AGPAT2: variants seen among roughly 807,000 people sequenced by gnomAD.
AGPAT2 encodes 1-acyl-sn-glycerol-3-phosphate acyltransferase beta.
In AGPAT2, 18 loss-of-function variants were observed where a neutral mutation model predicts 26.1. That is an observed-to-expected ratio of 0.69 (90% CI 0.48 to 1.02). AGPAT2 has a LOEUF of 1.02. Ranked by LOEUF, AGPAT2 falls within the 50% of genes least tolerant of loss-of-function variation. The pLI, the probability that AGPAT2 is intolerant of heterozygous loss-of-function variation, is 0.00. For synonymous variants in AGPAT2, 200 were observed against 174.2 expected, an observed-to-expected ratio of 1.15 and a Z score of -1.16; for missense variants, 415 against 394.9, an observed-to-expected ratio of 1.05 and a Z score of -0.43.
rs573498539 is a variant in AGPAT2 at position 136,673,520 on chromosome 9, G to A, written c.*232C>T. ...CCCAGCTCCCAGAGGTGCCGTGGGC[G>A]CGAGTCCCTGCCCTCGAGCCCGGGG... On this transcript the variant is annotated 3_prime_UTR_variant, in exon 6 of 6. Coordinates refer to ENST00000371696, the MANE Select transcript of AGPAT2 (RefSeq NM_006412.4). 4.4e-4 allele frequency: 186 copies of A among 421,686 alleles called. No homozygotes were observed. Among genetic ancestry groups the A allele is most frequent in the Non-Finnish European group, 5.2e-4 (126 of 240,380 alleles). The allele number at this position is 421,686 out of a possible 1,614,324, so 26.1% of individuals were successfully genotyped here.
Position 136,687,254 on chromosome 9 carries a change from G to A in AGPAT2, c.104C>T (p.Ala35Val), listed in dbSNP as rs1205915727. The A allele has an allele frequency of 5.0e-6, 8 of 1,594,580 alleles. No homozygotes were observed. In the East Asian group the frequency reaches 7.0e-5, roughly 14 times the overall value. Residue 35 changes from alanine to valine, a missense_variant, in exon 1 of 6, where the codon GCG (alanine) becomes GTG (valine). Transcript: ENST00000371696. ...EFYAKVALYC[A>V]LCFTVSAVAS... ...CACGGCGGACACCGTGAAGCACAGC[G>A]CGCAGTACAGGGCGACCTTGGCGTA...
chr9:136,673,733 T>TGG lies in AGPAT2; in HGVS notation c.*18_*19insCC. The TGG allele has an allele frequency of 3.2e-6, 5 of 1,558,062 alleles. No individual in the cohort carries two copies. The highest frequency in any genetic ancestry group is 4.3e-6 in the Non-Finnish European group (5 of 1,150,558). ...GCTTCCACCTGCCCTCCCCAGGTCA[T>TGG]GCCCTGCCGTGGTCTGGGCTACTGG... On this transcript the variant is annotated 3_prime_UTR_variant, in exon 6 of 6. Coordinates refer to ENST00000371696, the MANE Select transcript of AGPAT2 (RefSeq NM_006412.4).
In AGPAT2 at chr9:136,674,659, A is replaced by ACGATGAGGGGCCCGGGGCT. The variant is rs577621304; in HGVS notation, c.661+57_661+75dup. ...CCACGGGTGCCACCCGGAAATGGGAACGATGAGGGGCCCGGGGCTCCGTGA... is the reference window on the plus strand; with the variant it reads ...CCACGGGTGCCACCCGGAAATGGGAACGATGAGGGGCCCGGGGCTCGATGAGGGGCCCGGGGCTCCGTGA... On this transcript the variant is annotated intron_variant, in intron 5 of 5. Transcript: ENST00000371696. The ACGATGAGGGGCCCGGGGCT allele has an allele frequency of 5.0e-4, 578 of 1,154,362 alleles. 5 individuals are homozygous for ACGATGAGGGGCCCGGGGCT. The African/African-American group carries it at 8.3e-3, about 17-fold the overall frequency. The allele number at this position is 1,154,362 out of a possible 1,614,324, so 71.5% of individuals were successfully genotyped here.
intron 1 of AGPAT2, among the ~76,000 whole-genome samples, chr9:136,683,530 G>C (rs1303843386): frequency 1.3e-5 from 2 of 152,202 alleles, no homozygotes; most frequent in Non-Finnish European, 2.9e-5. Flanking sequence ...AGGGACCCCA[G>C]TGAGGAATCT....
At chr9:136,683,040 G>GT (rs1325605452) in intron 1 of AGPAT2, among the ~76,000 whole-genome samples, 4 of 149,642 alleles carry the variant, frequency 2.7e-5, no homozygotes, top group East Asian at 4.0e-4. Context: ...TCCACCAACA[G>GT]TGGCTGTGAT....
intron 1 of AGPAT2, among the ~76,000 whole-genome samples, 191 bp from the exon 2 acceptor site, chr9:136,677,747 G>A (rs545085432): frequency 6.6e-6 from 1 of 152,276 alleles, no homozygotes; most frequent in Non-Finnish European, 1.5e-5. Context: ...CCACCTGGAC[G>A]GCTGCCCTGC....
At chr9:136,681,433 C>T (rs1350438011) in intron 1 of AGPAT2, among the ~76,000 whole-genome samples, 1 of 152,248 alleles carries the variant, frequency 6.6e-6, no homozygotes, top group Non-Finnish European at 1.5e-5. Context: ...CGTGAGGCCA[C>T]CGCACTTCCC....
At chr9:136,680,998 A>AC (rs1198469878) in intron 1 of AGPAT2, among the ~76,000 whole-genome samples, 1 of 151,524 alleles carries the variant, frequency 6.6e-6, no homozygotes, top group African/African-American at 2.4e-5. Flanking sequence ...AACACGCACC[A>AC]CCTAAACAAT....
At chr9:136,685,968 G>A (rs1324408655) in intron 1 of AGPAT2, among the ~76,000 whole-genome samples, 2 of 152,214 alleles carry the variant, frequency 1.3e-5, no homozygotes, top group Non-Finnish European at 2.9e-5. Context: ...GCCAGCCCTG[G>A]AGTGTGCGCT....
intron 2 of AGPAT2, 47 bp downstream of exon 2, chr9:136,677,376 G>T: frequency 6.2e-7 from 1 of 1,612,340 alleles, no homozygotes; most frequent in Non-Finnish European, 8.5e-7. Context: ...CCCCAGCTCA[G>T]CCGGCCCCAC....
At chr9:136,685,546 C>G (rs1343542734) in intron 1 of AGPAT2, among the ~76,000 whole-genome samples, 2 of 152,228 alleles carry the variant, frequency 1.3e-5, no homozygotes, top group Non-Finnish European at 2.9e-5. Context: ...GTAGTGGGGT[C>G]TGCTCCAGGG....
At chr9:136,682,712 A>T (rs951567966) in intron 1 of AGPAT2, among the ~76,000 whole-genome samples, 3 of 152,178 alleles carry the variant, frequency 2.0e-5, no homozygotes, top group Non-Finnish European at 2.9e-5. Flanking sequence ...CTGCTGAGGG[A>T]AAGCCCAGGT....
chr9:136,677,000 T>G lies in AGPAT2; in HGVS notation c.453A>C (p.Thr151=). Reference sequence around the variant, plus strand: ...TGCGCTCGCCCAGGTCGGCCATCACTGTCATGGCAGTGCTAGAGCGCTGCC... The same window carrying G: ...TGCGCTCGCCCAGGTCGGCCATCACGGTCATGGCAGTGCTAGAGCGCTGCC... The part of the protein sequence containing the change: ...INRQRSSTAM[T]VMADLGERMV... The change falls in exon 3 of 6, where the codon ACA becomes ACC. Residue 151 remains threonine, a synonymous_variant. Transcript: ENST00000371696. The G allele has an allele frequency of 6.8e-7, 1 of 1,465,904 alleles. No homozygotes were observed. The allele number at this position is 1,465,904 out of a possible 1,614,324, so 90.8% of individuals were successfully genotyped here. A position where few individuals can be genotyped will look rare whatever the true frequency, so the allele number is the denominator to read the frequency against.
At chr9:136,685,373 C>G (rs1846209213) in intron 1 of AGPAT2, among the ~76,000 whole-genome samples, 1 of 152,218 alleles carries the variant, frequency 6.6e-6, no homozygotes, top group African/African-American at 2.4e-5. Context: ...CCAGTGCCAG[C>G]CAACCCAGCC....
Position 136,674,736 on chromosome 9 carries a change from T to G in AGPAT2, c.660A>C (p.Ser220=). 6.7e-7 allele frequency: 1 copy of G among 1,493,316 alleles called. No individual in the cohort carries two copies. The highest frequency in any genetic ancestry group is 1.4e-5 in the South Asian group (1 of 72,972). The allele number at this position is 1,493,316 out of a possible 1,614,324, so 92.5% of individuals were successfully genotyped here. A position where few individuals can be genotyped will look rare whatever the true frequency, so the allele number is the denominator to read the frequency against. ...FYNTKKKFFT[S]GTVTVQVLEA... ...CCGGGTGCACACATGTGGGGGTACCTGAAGTGAAGAACTTCTTCTTGGTGT... is the reference window on the plus strand; with the variant it reads ...CCGGGTGCACACATGTGGGGGTACCGGAAGTGAAGAACTTCTTCTTGGTGT... Residue 220 remains serine, a splice_region_variant and synonymous_variant, in exon 5 of 6, where the codon TCA becomes TCC. Coordinates refer to ENST00000371696, the MANE Select transcript of AGPAT2 (RefSeq NM_006412.4).
At chr9:136,674,868 C>G in intron 4 of AGPAT2, 61 bp from the exon 5 acceptor site, 1 of 1,290,646 alleles carries the variant, frequency 7.7e-7, no homozygotes, top group African/African-American at 1.5e-5. Context: ...ACACCCCAGG[C>G]TGCATGTGGT....
chr9:136,677,330 C>G, intron 2 of AGPAT2, 93 bp downstream of exon 2: 4 of 1,592,432 alleles, frequency 2.5e-6, no homozygotes, highest in Non-Finnish European at 3.4e-6. Context: ...CACAGGCAGC[C>G]CTGTGTCCTC....
intron 1 of AGPAT2, among the ~76,000 whole-genome samples, chr9:136,681,775 C>T (rs1846164432): frequency 6.6e-6 from 1 of 152,150 alleles, no homozygotes; most frequent in South Asian, 2.1e-4. Flanking sequence ...GTACTCCAGC[C>T]TGGGTGACAG....
At chr9:136,674,680 C>T (rs900226010) in intron 5 of AGPAT2, 55 bp downstream of exon 5, 7 of 1,296,754 alleles carry the variant, frequency 5.4e-6, no homozygotes, top group African/African-American at 3.1e-5. Flanking sequence ...CCCGGGGCTC[C>T]GTGACTGTAG....
Sources: gnomAD v4.1 joint callset for allele counts (sites outside exome capture counted in the v4.1 genomes callset) on GRCh38, gnomAD v4.1.1 for gene constraint, MANE v1.5 for transcripts, NCBI Gene and HGNC (gene_info 2026-07-23, HGNC 2026-07-21) for gene names.